Variants in KIAA1549L observed in about 807,000 individuals in gnomAD.
KIAA1549L encodes the protein UPF0606 protein KIAA1549L.
KIAA1549L carries 88 observed loss-of-function variants against 160.7 expected under a neutral mutation model. That is an observed-to-expected ratio of 0.55 (90% CI 0.46 to 0.65). The LOEUF is 0.65. Ranked by LOEUF, KIAA1549L falls within the 30% of genes least tolerant of loss-of-function variation. The pLI is 0.00. For missense variants in KIAA1549L, 2,258 were observed against 2,437.5 expected (o/e 0.93, Z 1.55); for synonymous variants, 950 against 976.7 (o/e 0.97, Z 0.51).
At chr11:33,541,539 T>C (rs1854021187) in intron 1 of KIAA1549L, among the ~76,000 whole-genome samples, 1 of 152,244 alleles carries the variant, frequency 6.6e-6, no homozygotes. Flanking sequence ...ACCAAAACAA[T>C]TTTTTAATAC....
rs561922036 is a variant in KIAA1549L, at chr11:33,610,032, C to A, written c.5279+66C>A. ...TGGTGGGATAAGGGCAGGCCTTGGG[C>A]AGTATATCCTGGTTCCTTATCTGGT... On this transcript the variant is annotated intron_variant, in intron 15 of 20. Transcript: ENST00000658780. 12 of 1,232,726 alleles carry A rather than the reference C, an allele frequency of 9.7e-6. No homozygotes were observed. The East Asian group carries it at 2.6e-4, about 26-fold the overall frequency. The allele number at this position is 1,232,726 out of a possible 1,614,324, so 76.4% of individuals were successfully genotyped here.
intron 1 of KIAA1549L, among the ~76,000 whole-genome samples, chr11:33,427,517 T>G (rs901949555): frequency 6.6e-6 from 1 of 152,238 alleles, no homozygotes; most frequent in Non-Finnish European, 1.5e-5. Flanking sequence ...CTATACTCCC[T>G]CCGTCCCTAT....
intron 16 of KIAA1549L, among the ~76,000 whole-genome samples, chr11:33,621,685 T>C (rs539099308): frequency 4.9e-4 from 75 of 152,270 alleles, no homozygotes; most frequent in African/African-American, 1.7e-3. Flanking sequence ...GCTGTAAATA[T>C]GATTCTCAGG....
chr11:33,600,482 C>G (rs980726904), intron 13 of KIAA1549L, among the ~76,000 whole-genome samples: 2 of 152,124 alleles, frequency 1.3e-5, no homozygotes, highest in Non-Finnish European at 2.9e-5. Flanking sequence ...AATACTGTGA[C>G]GGCCATCACC....
chr11:33,469,662 T>C (rs954929367), intron 1 of KIAA1549L, among the ~76,000 whole-genome samples: 10 of 152,246 alleles, frequency 6.6e-5, no homozygotes, highest in Admixed American at 6.5e-4. Flanking sequence ...TTCTGATTTC[T>C]CCACATCCTT....
In KIAA1549L at chr11:33,454,458, T is replaced by C. The variant is rs545339250; in HGVS notation, c.238+77569T>C. Among the ~76,000 whole-genome samples the C allele has an allele frequency of 1.5e-4, 23 of 152,294 alleles. No homozygotes were observed. In the East Asian group the frequency reaches 4.4e-3, roughly 29 times the overall value. On this transcript the variant is annotated intron_variant, in intron 1 of 20. Transcript: ENST00000658780. ...CAGATGTGACAGAAAGCTATAAAAT[T>C]CTGTGCCTGGGGTAGGTCTAAATAG...
intron 17 of KIAA1549L, among the ~76,000 whole-genome samples, chr11:33,651,253 A>G (rs1021092997): frequency 1.3e-5 from 2 of 152,162 alleles, no homozygotes; most frequent in African/African-American, 4.8e-5. Flanking sequence ...CCTGGCCAAC[A>G]TGGTGAGACC....
Position 33,568,210 on chromosome 11 carries a change from G to T in KIAA1549L, c.4213G>T (p.Gly1405Ter). ...GRRFKRATTL[G>*]SYTVQMVKMQ... ...GCGGTTTAAACGGGCCACCACCCTG[G>T]GAAGCTACACTGTGCAGGTAGGTGT... Residue 1405 changes from glycine to a stop codon, truncating the protein, a stop_gained, in exon 9 of 21, where the codon GGA becomes TGA. Transcript: ENST00000658780. LOFTEE classifies it high-confidence loss of function. 6.2e-7 allele frequency: 1 copy of T among 1,613,470 alleles called. No homozygotes were observed. Among genetic ancestry groups the T allele is most frequent in the Non-Finnish European group, 8.5e-7 (1 of 1,179,690 alleles).
intron 11 of KIAA1549L, 27 bp downstream of exon 11, chr11:33,583,528 C>T: frequency 6.4e-6 from 10 of 1,551,304 alleles, no homozygotes; most frequent in Non-Finnish European, 8.7e-6. Flanking sequence ...GGGAGAGGGG[C>T]AGGAGGACAG....
intron 10 of KIAA1549L, among the ~76,000 whole-genome samples, chr11:33,576,670 G>A (rs1210602603): frequency 2.0e-5 from 3 of 152,234 alleles, no homozygotes; most frequent in Non-Finnish European, 4.4e-5. Context: ...AGGGCACAGA[G>A]TCAACGGCGC....
In KIAA1549L at chr11:33,668,402, A is replaced by G. The variant is rs936055050; in HGVS notation, c.*248A>G. 2 of 542,920 alleles carry G rather than the reference A, an allele frequency of 3.7e-6. No homozygotes were observed. Among genetic ancestry groups the G allele is most frequent in the Non-Finnish European group, 6.6e-6 (2 of 304,580 alleles). The allele number at this position is 542,920 out of a possible 1,614,324, so 33.6% of individuals were successfully genotyped here. A position where few individuals can be genotyped will look rare whatever the true frequency, so the allele number is the denominator to read the frequency against. ...TTATGTTTGATACTCTCTCATGTCA[A>G]ATGTTTGAACTTTGGGCATGTGCCC... On this transcript the variant is annotated 3_prime_UTR_variant, in exon 21 of 21. Transcript: ENST00000658780.
intron 1 of KIAA1549L, among the ~76,000 whole-genome samples, chr11:33,423,998 C>G (rs545911762): frequency 6.6e-6 from 1 of 151,698 alleles, no homozygotes; most frequent in South Asian, 2.1e-4. Flanking sequence ...CAGTGCATTC[C>G]AGCCTTGGTG....
chr11:33,390,931 A>G (rs113889226), intron 1 of KIAA1549L, among the ~76,000 whole-genome samples: 2 of 152,280 alleles, frequency 1.3e-5, no homozygotes, highest in African/African-American at 4.8e-5. Context: ...CAATGCTCCT[A>G]TCCATATATG....
At chr11:33,476,053 A>G (rs566178132) in intron 1 of KIAA1549L, among the ~76,000 whole-genome samples, 39 of 152,082 alleles carry the variant, frequency 2.6e-4, no homozygotes, top group Admixed American at 7.9e-4. Context: ...AAACCTGGAA[A>G]CTCCACACAA....
intron 1 of KIAA1549L, among the ~76,000 whole-genome samples, chr11:33,497,540 A>C (rs546963635): frequency 1.1e-4 from 16 of 152,232 alleles, no homozygotes; most frequent in Middle Eastern, 3.4e-3. Context: ...TGATGCAAAA[A>C]CCCCAAAGCA....
intron 2 of KIAA1549L, 26 bp from the exon 3 acceptor site, chr11:33,544,741 A>T: frequency 3.9e-6 from 6 of 1,556,178 alleles, no homozygotes; most frequent in Non-Finnish European, 5.2e-6. Flanking sequence ...AGCCAATGAC[A>T]AACTTTGTTT....
At chr11:33,387,996 A>G (rs1183994511) in intron 1 of KIAA1549L, among the ~76,000 whole-genome samples, 1 of 152,206 alleles carries the variant, frequency 6.6e-6, no homozygotes, top group Non-Finnish European at 1.5e-5. Context: ...CCTATCTTCA[A>G]TCTTCATTGG....
In KIAA1549L at chr11:33,586,788, G is replaced by C. The variant is rs529442319; in HGVS notation, c.4566+3287G>C. Among the ~76,000 whole-genome samples the C allele has an allele frequency of 3.3e-4, 50 of 152,240 alleles. 1 individual carries two copies. In the South Asian group the frequency reaches 0.01, roughly 31 times the overall value. On this transcript the variant is annotated intron_variant, in intron 11 of 20. Transcript: ENST00000658780. ...CCAGCTCTGTGAGCCTGGGTAAGCT[G>C]CTTAACCTCTCTAAACCTCAGTTGC... is the stretch of plus-strand genomic sequence containing the variant.
chr11:33,441,189 C>T lies in KIAA1549L; in HGVS notation c.238+64300C>T, dbSNP rs113450266. Among the ~76,000 whole-genome samples, 1,504 of 151,360 alleles carry T rather than the reference C, an allele frequency of 9.9e-3. 27 individuals carry two copies. Among genetic ancestry groups the T allele is most frequent in the African/African-American group, 0.035 (1,423 of 41,240 alleles). ...TGCGGTGCTTGGTTTTTTGTCCTTGCGATAGTTTGCTGAGAATGATGGTTT... is the reference window on the plus strand; with the variant it reads ...TGCGGTGCTTGGTTTTTTGTCCTTGTGATAGTTTGCTGAGAATGATGGTTT... On this transcript the variant is annotated intron_variant, in intron 1 of 20. Coordinates refer to ENST00000658780, the MANE Select transcript of KIAA1549L (RefSeq NM_012194.3).
Sources: gnomAD v4.1 joint callset for allele counts (sites outside exome capture counted in the v4.1 genomes callset) on GRCh38, gnomAD v4.1.1 for gene constraint, MANE v1.5 for transcripts, NCBI Gene and HGNC (gene_info 2026-07-23, HGNC 2026-07-21) for gene names.